The following PARP6 variants were observed in gnomAD, a reference collection of about 807,000 sequenced individuals.
The protein encoded by PARP6 is poly(ADP-ribose) polymerase family member 6.
PARP6 carries 27 observed loss-of-function variants against 92.0 expected under a neutral mutation model. The observed-to-expected ratio is 0.29, with a 90% CI of 0.22 to 0.40. PARP6 has a LOEUF of 0.40. Among genes scored for constraint, PARP6 ranks in the 10% least tolerant of loss-of-function variants. PARP6 has a pLI of 1.00. For synonymous variants in PARP6, 272 were observed against 281.2 expected (o/e 0.97, Z 0.33); for missense variants, 501 against 784.5 (o/e 0.64, Z 4.32).
At position 72,256,549 on chromosome 15, in the gene PARP6, C is replaced by T. The variant is rs1489062737; in HGVS notation, c.1041G>A (p.Glu347=). The T allele has an allele frequency of 6.3e-7, 1 of 1,589,388 alleles. No homozygotes were observed. Among genetic ancestry groups the T allele is most frequent in the Non-Finnish European group, 8.6e-7 (1 of 1,169,206 alleles). The change falls in exon 14 of 24, where the codon GAG becomes GAA. Residue 347 remains glutamate, a synonymous_variant. Transcript: ENST00000569795. ...LLVAMCRAAL[E]SPRKSIIFEP... The stretch of plus-strand genomic sequence containing the variant: ...CAAAGATGATGCTCTTTCTAGGGGA[C>T]TCTAAAGCTGCCCTACACATGGCCA...
At chr15:72,267,379 G>A (rs2086738376) in intron 3 of PARP6, 96 bp downstream of exon 3, 1 of 1,348,076 alleles carries the variant, frequency 7.4e-7, no homozygotes, top group Admixed American at 1.7e-5. Flanking sequence ...TCTTCCAAAA[G>A]GGTAGAAGGG....
chr15:72,253,573 A>G (rs932989898), intron 15 of PARP6, 69 bp from the exon 16 acceptor site: 51 of 1,331,168 alleles, frequency 3.8e-5, no homozygotes, highest in Non-Finnish European at 7.5e-6. Flanking sequence ...TGCTTTTCAC[A>G]GAGTGACTAT....
chr15:72,265,567 G>A, intron 5 of PARP6, 94 bp from the exon 6 acceptor site: 2 of 974,526 alleles, frequency 2.1e-6, no homozygotes, highest in Non-Finnish European at 3.3e-6. Context: ...CTGGGGACAG[G>A]GGAAAGGGAA....
At chr15:72,264,465 C>A in intron 8 of PARP6, 90 bp downstream of exon 8, 2 of 929,142 alleles carry the variant, frequency 2.2e-6, no homozygotes, top group Non-Finnish European at 1.7e-6. Flanking sequence ...AGGGGGCATT[C>A]CATCCAAGGC....
chr15:72,249,323 G>T lies in PARP6; in HGVS notation c.1492-9C>A, dbSNP rs973440781. 8 of 1,558,760 alleles carry T rather than the reference G, an allele frequency of 5.1e-6. No individual in the cohort carries two copies. The African/African-American group carries it at 6.8e-5, about 13-fold the overall frequency. ...TAGGCTGCTCCATGCAGCTTGCAGG[G>T]AAACACCAGGATGAGTAATATGAGC... On this transcript the variant is annotated splice_polypyrimidine_tract_variant and intron_variant, in intron 19 of 23. Coordinates refer to ENST00000569795, the MANE Select transcript of PARP6 (RefSeq NM_001323532.2).
intron 16 of PARP6, 55 bp from the exon 17 acceptor site, chr15:72,251,310 T>G (rs867562029): frequency 8.9e-7 from 1 of 1,120,116 alleles, no homozygotes; most frequent in South Asian, 1.4e-5. Context: ...ATTTAAGCTA[T>G]CCTTTCTGAA....
At chr15:72,247,832 G>C (rs1214116254) in intron 20 of PARP6, among the ~76,000 whole-genome samples, 2 of 151,904 alleles carry the variant, frequency 1.3e-5, no homozygotes, top group Admixed American at 6.6e-5. Flanking sequence ...GTCTAGGCTG[G>C]AGTGCACTGG....
chr15:72,242,744 A>T lies in PARP6; in HGVS notation c.1562-45T>A, dbSNP rs989701842. 7.8e-7 allele frequency: 1 copy of T among 1,275,290 alleles called. No homozygotes were observed. Among genetic ancestry groups the T allele is most frequent in the Non-Finnish European group, 1.1e-6 (1 of 891,092 alleles). 79.0% of individuals were successfully genotyped at this position (1,275,290 alleles called of 1,614,324 possible). A position where few individuals can be genotyped will look rare whatever the true frequency, so the allele number is the denominator to read the frequency against. On this transcript the variant is annotated intron_variant, in intron 20 of 23. Coordinates refer to ENST00000569795, the MANE Select transcript of PARP6 (RefSeq NM_001323532.2). The surrounding 1 kb of genome is among the most constrained non-coding windows in gnomAD (Gnocchi z 4.3). ...CCACTTCATTTATCAAAAATTTACG[A>T]AAGTGCCTACTATGTCCCAGCACTG...
Position 72,261,648 on chromosome 15 carries a change from G to T in PARP6, c.455C>A (p.Thr152Asn). 6.2e-7 allele frequency: 1 copy of T among 1,613,906 alleles called. No homozygotes were observed. Among genetic ancestry groups the T allele is most frequent in the South Asian group, 1.1e-5 (1 of 91,070 alleles). Residue 152 changes from threonine to asparagine, a missense_variant, in exon 9 of 24, where the codon ACC (threonine) becomes AAC (asparagine). By Grantham distance (65) the Thr-to-Asn change is moderately conservative (BLOSUM62 0). Around this residue, in one of 4 missense-constraint regions of PARP6, gnomAD observed 291 missense variants for 352.0 expected, o/e 0.83. Coordinates refer to ENST00000569795, the MANE Select transcript of PARP6 (RefSeq NM_001323532.2). Reference protein sequence around the residue: ...WKHLSNDFLKTQQEKRHSWFK... With the variant: ...WKHLSNDFLKNQQEKRHSWFK... ...CCAACTGTGCCTCTTCTCCTGCTGGGTCTTCAAGAAATCATTGCTCAGATG... is the reference window on the plus strand; with the variant it reads ...CCAACTGTGCCTCTTCTCCTGCTGGTTCTTCAAGAAATCATTGCTCAGATG...
At chr15:72,245,345 AGAGT>A (rs1471959096) in intron 20 of PARP6, 1 of 152,196 alleles carries the variant, frequency 6.6e-6, no homozygotes, top group Non-Finnish European at 1.5e-5. Context: ...CCTGGGCGAT[AGAGT>A]GAGACTCTGT....
rs1279854927 is a variant in PARP6 at position 72,260,623 on chromosome 15, C to T, written c.611G>A (p.Arg204Gln). Residue 204 changes from arginine (R) to glutamine (Q), a missense_variant, in exon 10 of 24, where the codon CGG (arginine) becomes CAG (glutamine). This residue lies in a region of PARP6 where 291 missense variants were observed against 352.0 expected (regional missense o/e 0.83). Coordinates refer to ENST00000569795, the MANE Select transcript of PARP6 (RefSeq NM_001323532.2). ...GGAACGGTTCATGAGGCGCCCAACCCGAAGCTCTGGTACACCTAGTTTGCC... is the reference window on the plus strand; with the variant it reads ...GGAACGGTTCATGAGGCGCCCAACCTGAAGCTCTGGTACACCTAGTTTGCC... ...LKGKLGVPEL[R>Q]VGRLMNRSIS... 1.9e-6 allele frequency: 3 copies of T among 1,614,124 alleles called. No individual in the cohort carries two copies. Among genetic ancestry groups the T allele is most frequent in the Non-Finnish European group, 2.5e-6 (3 of 1,180,016 alleles).
intron 8 of PARP6, among the ~76,000 whole-genome samples, chr15:72,262,097 G>GT (rs1194322082): frequency 2.6e-5 from 4 of 152,224 alleles, no homozygotes; most frequent in African/African-American, 9.6e-5. Context: ...AAGAAAGGGA[G>GT]TAGGGACATA....
chr15:72,244,702 G>C (rs1314482349), intron 20 of PARP6: 1 of 152,144 alleles, frequency 6.6e-6, no homozygotes, highest in Non-Finnish European at 1.5e-5. Flanking sequence ...ACAGTAAGTG[G>C]AACATTTGCA....
intron 20 of PARP6, chr15:72,243,684 G>A (rs1322569413): frequency 6.6e-6 from 1 of 152,184 alleles, no homozygotes; most frequent in Non-Finnish European, 1.5e-5. Flanking sequence ...AGGATAGGAC[G>A]TTAAGTCTCT....
chr15:72,256,304 G>A (rs1206157848), intron 14 of PARP6, among the ~76,000 whole-genome samples, 161 bp downstream of exon 14: 1 of 152,054 alleles, frequency 6.6e-6, no homozygotes, highest in Non-Finnish European at 1.5e-5. Flanking sequence ...TCCCCTTTCT[G>A]TGTCAAACTT....
chr15:72,241,422 G>A lies in PARP6; in HGVS notation c.*33C>T. The stretch of plus-strand genomic sequence containing the variant: ...TTTTATGAGGGCAGATGGATCCTGG[G>A]GTAACAGGGGTGGTACGAGGGCTGG... On this transcript the variant is annotated 3_prime_UTR_variant, in exon 24 of 24. Coordinates refer to ENST00000569795, the MANE Select transcript of PARP6 (RefSeq NM_001323532.2). The surrounding 1 kb of genome is among the most constrained non-coding windows in gnomAD (Gnocchi z 4.1). 1 of 1,438,920 alleles carries A rather than the reference G, an allele frequency of 6.9e-7. No individual in the cohort carries two copies. Among genetic ancestry groups the A allele is most frequent in the South Asian group, 1.1e-5 (1 of 87,436 alleles). The allele number at this position is 1,438,920 out of a possible 1,614,324, so 89.1% of individuals were successfully genotyped here.
intron 8 of PARP6, 39 bp from the exon 9 acceptor site, chr15:72,261,746 C>T: frequency 3.1e-6 from 5 of 1,604,288 alleles, no homozygotes; most frequent in Non-Finnish European, 4.3e-6. Flanking sequence ...CAAGATGAGG[C>T]AGGGTCAAGA....
chr15:72,259,644 C>T lies in PARP6; in HGVS notation c.774G>A (p.Lys258=). The T allele has an allele frequency of 6.2e-7, 1 of 1,614,098 alleles. No homozygotes were observed. Among genetic ancestry groups the T allele is most frequent in the Non-Finnish European group, 8.5e-7 (1 of 1,179,962 alleles). ...ATCCATACTCCAGAGTGGGAATGTT[C>T]TTGCAGTGACCACTGACCTGGTGAG... ...RTSPLVSGHC[K]NIPTLEYGFL... Residue 258 remains lysine, a synonymous_variant, in exon 11 of 24, where the codon AAG becomes AAA. Coordinates refer to ENST00000569795, the MANE Select transcript of PARP6 (RefSeq NM_001323532.2).
rs746377361 is a variant in PARP6, at chr15:72,241,430, G to A, written c.*25C>T. 38 of 1,490,196 alleles carry A rather than the reference G, an allele frequency of 2.5e-5. No individual in the cohort carries two copies. Among genetic ancestry groups the A allele is most frequent in the Middle Eastern group, 3.4e-4 (2 of 5,884 alleles). 92.3% of individuals were successfully genotyped at this position (1,490,196 alleles called of 1,614,324 possible). ...GGGCAGATGGATCCTGGGGTAACAG[G>A]GGTGGTACGAGGGCTGGGGCCCCCT... On this transcript the variant is annotated 3_prime_UTR_variant, in exon 24 of 24. Coordinates refer to ENST00000569795, the MANE Select transcript of PARP6 (RefSeq NM_001323532.2). This position sits in a 1 kb window ranked among gnomAD's most constrained non-coding sequence, Gnocchi z 4.1.
Sources: gnomAD v4.1 joint callset for allele counts (sites outside exome capture counted in the v4.1 genomes callset) on GRCh38, gnomAD v4.1.1 for gene constraint, gnomAD v4.1.1 regional missense constraint, Gnocchi (gnomAD v3.1) non-coding constraint, MANE v1.5 for transcripts, NCBI Gene and HGNC (gene_info 2026-07-23, HGNC 2026-07-21) for gene names.